The following SLC9A9 variants were observed in gnomAD, a reference collection of about 807,000 sequenced individuals.
SLC9A9 encodes the protein solute carrier family 9 member A9, also known as sodium/hydrogen exchanger 9.
SLC9A9 carries 62 observed loss-of-function variants against 77.8 expected under a neutral mutation model. The observed-to-expected ratio is 0.80, with a 90% confidence interval of 0.65 to 0.98. The LOEUF is 0.98. SLC9A9 is among the 50% of genes least tolerant of loss of function. SLC9A9 has a pLI of 0.00. For missense variants in SLC9A9, 775 were observed against 774.9 expected, an observed-to-expected ratio of 1.00 and a Z score of 0.00; for synonymous variants, 320 against 283.5, an observed-to-expected ratio of 1.13 and a Z score of -1.29.
Position 143,503,559 on chromosome 3 carries a change from G to A in SLC9A9, c.1090-8111C>T. Reference sequence around the variant, plus strand: ...ATGGCAGGTCAGGTCTGTGACTGATGTTGGCAGTGGGAACATGGAAGGATA... The same window carrying A: ...ATGGCAGGTCAGGTCTGTGACTGATATTGGCAGTGGGAACATGGAAGGATA... On this transcript the variant is annotated intron_variant, in intron 9 of 15. Coordinates refer to ENST00000316549, the MANE Select transcript of SLC9A9 (RefSeq NM_173653.4). 1.7e-5 allele frequency: 7 copies of A among 411,260 alleles called. No homozygotes were observed. In the East Asian group the frequency reaches 2.8e-4, roughly 16 times the overall value. The allele number at this position is 411,260 out of a possible 1,614,324, so 25.5% of individuals were successfully genotyped here.
At chr3:143,338,478 A>G (rs2031991584) in intron 14 of SLC9A9, among the ~76,000 whole-genome samples, 1 of 152,226 alleles carries the variant, frequency 6.6e-6, no homozygotes, top group Non-Finnish European at 1.5e-5. Flanking sequence ...AGAGAGCTAG[A>G]CAGCTCGGTT....
intron 2 of SLC9A9, among the ~76,000 whole-genome samples, chr3:143,799,430 T>C (rs536351861): frequency 6.6e-6 from 1 of 152,244 alleles, no homozygotes; most frequent in Admixed American, 6.6e-5. Flanking sequence ...AATGTATTTC[T>C]GAGTTGCAAT....
At chr3:143,503,486 G>T in intron 9 of SLC9A9, 1 of 382,612 alleles carries the variant, frequency 2.6e-6, no homozygotes, top group East Asian at 8.0e-5. Flanking sequence ...TCCAAAGCCT[G>T]CTTCGCCACC....
intron 6 of SLC9A9, among the ~76,000 whole-genome samples, chr3:143,611,082 T>C (rs1002731768): frequency 3.3e-5 from 5 of 152,114 alleles, no homozygotes; most frequent in Admixed American, 6.6e-5. Context: ...ATTGCATTCA[T>C]GTAAGGGCAT....
In SLC9A9 at chr3:143,590,294, A is replaced by C. The variant is rs112960659; in HGVS notation, c.756-11571T>G. ...TATGTTAATATGTGTATAGTGCTTA[A>C]AATGTTACCTACAACATGGAAAGCA... On this transcript the variant is annotated intron_variant, in intron 6 of 15. Coordinates refer to ENST00000316549, the MANE Select transcript of SLC9A9 (RefSeq NM_173653.4). Among the ~76,000 whole-genome samples the C allele has an allele frequency of 4.8e-3, 725 of 152,338 alleles. 3 individuals are homozygous for C. Among genetic ancestry groups the C allele is most frequent in the African/African-American group, 0.015 (634 of 41,582 alleles).
intron 6 of SLC9A9, among the ~76,000 whole-genome samples, chr3:143,588,507 C>A (rs2037593506): frequency 6.6e-6 from 1 of 152,162 alleles, no homozygotes; most frequent in Admixed American, 6.5e-5. Context: ...TAAGTTCCAA[C>A]TTTTAAGGTG....
At chr3:143,789,685 G>A (rs945890125) in intron 4 of SLC9A9, among the ~76,000 whole-genome samples, 24 of 151,888 alleles carry the variant, frequency 1.6e-4, no homozygotes, top group African/African-American at 5.6e-4. Flanking sequence ...CTGTTCCAAG[G>A]GCACTTAGGT....
intron 14 of SLC9A9, among the ~76,000 whole-genome samples, chr3:143,296,536 T>C (rs2030277246): frequency 6.6e-6 from 1 of 152,232 alleles, no homozygotes; most frequent in African/African-American, 2.4e-5. Context: ...GATGCAAATA[T>C]CTTTTGGAAA....
intron 12 of SLC9A9, among the ~76,000 whole-genome samples, chr3:143,465,106 A>C (rs1184566134): frequency 6.6e-6 from 1 of 152,158 alleles, no homozygotes; most frequent in Non-Finnish European, 1.5e-5. Flanking sequence ...CTGGCACTGA[A>C]TTGGTTGGGC....
intron 6 of SLC9A9, among the ~76,000 whole-genome samples, chr3:143,581,813 C>T (rs143719734): frequency 3.3e-5 from 5 of 152,226 alleles, no homozygotes; most frequent in African/African-American, 4.8e-5. Context: ...AGCATAAGAG[C>T]GGAGTATGTT....
chr3:143,664,528 G>C (rs1415917038), intron 5 of SLC9A9, among the ~76,000 whole-genome samples: 1 of 152,154 alleles, frequency 6.6e-6, no homozygotes, highest in Non-Finnish European at 1.5e-5. Context: ...AAAAGACACA[G>C]ACTGGCAAAT....
intron 2 of SLC9A9, among the ~76,000 whole-genome samples, chr3:143,821,860 T>C (rs1338869136): frequency 6.6e-6 from 1 of 152,224 alleles, no homozygotes. Flanking sequence ...ATCTAGGTAC[T>C]GTTCTCAGGT....
chr3:143,583,170 A>G (rs2037484669), intron 6 of SLC9A9, among the ~76,000 whole-genome samples: 3 of 151,990 alleles, frequency 2.0e-5, no homozygotes. Context: ...ATAAATAAAA[A>G]TATATATAAA....
intron 12 of SLC9A9, among the ~76,000 whole-genome samples, chr3:143,455,192 ATTGT>A (rs1022206003): frequency 2.6e-5 from 4 of 152,154 alleles, no homozygotes; most frequent in African/African-American, 9.7e-5. Context: ...ATGCCATTGA[ATTGT>A]TTGTTAACCT....
chr3:143,485,886 A>G lies in SLC9A9; in HGVS notation c.1315+7767T>C, dbSNP rs114353929. On this transcript the variant is annotated intron_variant, in intron 11 of 15. Coordinates refer to ENST00000316549, the MANE Select transcript of SLC9A9 (RefSeq NM_173653.4). ...TGTTGAGAAAGTTAAAAAAAAAGAT[A>G]TATGAACAAAAAGGAAATACCAATA... 3.6e-3 allele frequency among the ~76,000 whole-genome samples: 542 copies of G among 152,244 alleles called. 9 individuals carry two copies. Among genetic ancestry groups the G allele is most frequent in the Admixed American group, 4.7e-3 (72 of 15,282 alleles).
intron 6 of SLC9A9, among the ~76,000 whole-genome samples, chr3:143,586,717 A>G (rs892567090): frequency 1.3e-5 from 2 of 152,206 alleles, no homozygotes; most frequent in African/African-American, 4.8e-5. Context: ...CTCCCTGCCC[A>G]TTATTCTGGC....
At chr3:143,317,397 G>T (rs1356362780) in intron 14 of SLC9A9, among the ~76,000 whole-genome samples, 1 of 152,140 alleles carries the variant, frequency 6.6e-6, no homozygotes, top group Non-Finnish European at 1.5e-5. Flanking sequence ...CTGCCTCATT[G>T]CCCCTCACTT....
intron 5 of SLC9A9, among the ~76,000 whole-genome samples, chr3:143,685,647 C>T (rs571673359): frequency 6.6e-6 from 1 of 152,076 alleles, no homozygotes; most frequent in South Asian, 2.1e-4. Flanking sequence ...TGAGTGGCTT[C>T]CTGAAGACCT....
intron 12 of SLC9A9, among the ~76,000 whole-genome samples, chr3:143,461,693 G>C (rs1275742726): frequency 1.3e-5 from 2 of 152,298 alleles, no homozygotes; most frequent in East Asian, 3.9e-4. Context: ...CACAGTATAT[G>C]TGTGTATTGA....
Sources: allele counts gnomAD v4.1 joint callset (sites outside exome capture counted in the v4.1 genomes callset), GRCh38; gene constraint gnomAD v4.1.1; transcripts MANE v1.5; gene names NCBI Gene and HGNC (gene_info 2026-07-23, HGNC 2026-07-21).